Variants in NUP160 observed in about 807,000 individuals in gnomAD.
NUP160 encodes the protein nuclear pore complex protein Nup160.
A neutral mutation model predicts 196.9 loss-of-function variants in NUP160; 94 were observed. That is an observed-to-expected ratio of 0.48 (90% CI 0.40 to 0.57). The LOEUF (loss-of-function observed/expected upper bound fraction) is 0.57. Among genes scored for constraint, NUP160 ranks in the 20% least tolerant of loss-of-function variants. The pLI, the probability that NUP160 is intolerant of heterozygous loss-of-function variation, is 0.00. For synonymous variants in NUP160, 605 were observed against 619.7 expected (o/e 0.98, Z 0.35); for missense variants, 1,638 against 1,748.3 (o/e 0.94, Z 1.13).
At chr11:47,810,238 T>C (rs114402005) in intron 17 of NUP160, among the ~76,000 whole-genome samples, 2 of 151,932 alleles carry the variant, frequency 1.3e-5, no homozygotes, top group Non-Finnish European at 1.5e-5. Context: ...CACTCTGTCA[T>C]GCAGGCAGAA....
At chr11:47,786,827 C>T (rs953773523) in intron 31 of NUP160, among the ~76,000 whole-genome samples, 3 of 151,634 alleles carry the variant, frequency 2.0e-5, no homozygotes, top group Non-Finnish European at 4.4e-5. Context: ...CTTGCTCTGT[C>T]ACCCAGGCTG....
chr11:47,782,946 AC>A, intron 34 of NUP160, 126 bp downstream of exon 34: 1 of 812,610 alleles, frequency 1.2e-6, no homozygotes, highest in Non-Finnish European at 2.0e-6. Flanking sequence ...GGCATGAGTC[AC>A]TGTGCCCGGC....
chr11:47,792,746 A>G (rs1316993663), intron 28 of NUP160, 40 bp downstream of exon 28: 2 of 1,556,964 alleles, frequency 1.3e-6, no homozygotes, highest in African/African-American at 1.4e-5. Flanking sequence ...TACTTGTTCC[A>G]GGATGAACCC....
At chr11:47,815,543 G>A (rs2097683941) in exon 13 of NUP160, 1 of 1,612,292 alleles carries the variant, frequency 6.2e-7, no homozygotes, top group Non-Finnish European at 8.5e-7. Flanking sequence ...GTGAGAGAGG[G>A]CTTCTTGATA....
intron 13 of NUP160, chr11:47,815,245 T>G: frequency 2.9e-6 from 1 of 345,478 alleles, no homozygotes; most frequent in Middle Eastern, 7.6e-4. Context: ...GAAAAAGAAA[T>G]AAATACAATA....
chr11:47,817,642 G>C (rs1010079762), intron 11 of NUP160, among the ~76,000 whole-genome samples: 3 of 152,168 alleles, frequency 2.0e-5, no homozygotes, highest in Non-Finnish European at 4.4e-5. Flanking sequence ...ACCACGCCCG[G>C]CCTAGAGTTT....
At position 47,824,803 on chromosome 11, in the gene NUP160, CT is replaced by C. The variant is rs760472596; in HGVS notation, c.1102-2640del. Among the ~76,000 whole-genome samples the C allele has an allele frequency of 6.3e-3, 852 of 134,420 alleles. 5 individuals carry two copies. The highest frequency in any genetic ancestry group is 1.0e-2 in the Non-Finnish European group (579 of 58,116). 88.2% of individuals were successfully genotyped at this position (134,420 alleles called of 152,430 possible). A position where few individuals can be genotyped will look rare whatever the true frequency, so the allele number is the denominator to read the frequency against. On this transcript the variant is annotated intron_variant, in intron 7 of 35. Coordinates refer to ENST00000378460, the Ensembl canonical transcript of NUP160. ...TGCAGGCATGTTCTACCCGACCCAG[CT>C]TTTTCTTTTGTTTTTTTTTTTCACG...
chr11:47,791,200 G>C (rs2097667711), intron 29 of NUP160, among the ~76,000 whole-genome samples: 1 of 151,756 alleles, frequency 6.6e-6, no homozygotes, highest in East Asian at 1.9e-4. Context: ...CATTTTTCTT[G>C]AAATGGCAGG....
chr11:47,799,132 C>G (rs2097672667), intron 23 of NUP160, among the ~76,000 whole-genome samples: 1 of 151,892 alleles, frequency 6.6e-6, no homozygotes, highest in Non-Finnish European at 1.5e-5. Context: ...GTCAATCAGA[C>G]TGGAGCACAA....
chr11:47,795,001 T>G lies in NUP160; in HGVS notation c.3290-2055A>C, dbSNP rs935446141. ...CTGTAATCCCAGCTACTTGAGAGGC[T>G]GAGGCAGGAGAATTGCTTGAACCTG... On this transcript the variant is annotated intron_variant, in intron 27 of 35. Coordinates refer to ENST00000378460, the Ensembl canonical transcript of NUP160. Among the ~76,000 whole-genome samples the G allele has an allele frequency of 1.5e-4, 23 of 151,952 alleles. 1 individual carries two copies. The highest frequency in any genetic ancestry group is 5.3e-4 in the African/African-American group (22 of 41,374).
intron 35 of NUP160, among the ~76,000 whole-genome samples, chr11:47,779,852 C>T (rs1401335105): frequency 6.6e-6 from 1 of 151,986 alleles, no homozygotes; most frequent in Non-Finnish European, 1.5e-5. Context: ...CTCAGCCTCC[C>T]GAGTAGCTGG....
intron 9 of NUP160, chr11:47,820,344 TATC>T (rs1331707685): frequency 6.6e-6 from 1 of 152,208 alleles, no homozygotes; most frequent in Non-Finnish European, 1.5e-5. Flanking sequence ...TGCAAACTAA[TATC>T]ATCTACATTA....
chr11:47,785,608 G>C (rs924907066), intron 32 of NUP160, among the ~76,000 whole-genome samples: 2 of 152,126 alleles, frequency 1.3e-5, no homozygotes, highest in Non-Finnish European at 2.9e-5. Flanking sequence ...TTTAGTAAAT[G>C]AACGTTATTT....
At chr11:47,805,878 TG>T (rs769759259) in intron 20 of NUP160, among the ~76,000 whole-genome samples, 6 of 152,028 alleles carry the variant, frequency 3.9e-5, no homozygotes, top group Admixed American at 6.6e-5. Context: ...TGGAGTGTGG[TG>T]GCGCGAGCTT....
chr11:47,797,014 C>T (rs1023131473), intron 27 of NUP160, among the ~76,000 whole-genome samples: 7 of 152,084 alleles, frequency 4.6e-5, no homozygotes, highest in Admixed American at 4.6e-4. Context: ...TTTTAGTCCC[C>T]TCTTTAAGGA....
intron 7 of NUP160, among the ~76,000 whole-genome samples, chr11:47,824,032 TATATATATATATATATATATAC>T (rs1475975060): frequency 2.4e-5 from 3 of 122,754 alleles, no homozygotes; most frequent in Admixed American, 8.9e-5. Context: ...TATATATATA[TATATATATATATATATATATAC>T]ACACACACAT....
intron 7 of NUP160, among the ~76,000 whole-genome samples, chr11:47,829,088 TA>T (rs1280728117): frequency 1.3e-5 from 2 of 151,970 alleles, no homozygotes; most frequent in Non-Finnish European, 2.9e-5. Flanking sequence ...AAAGAAAAAA[TA>T]GATAATCTGG....
intron 13 of NUP160, 57 bp from the exon 14 acceptor site, chr11:47,813,472 A>G (rs1327926974): frequency 2.7e-6 from 3 of 1,106,574 alleles, no homozygotes; most frequent in Non-Finnish European, 4.1e-6. Context: ...AAGGTATAAA[A>G]TAATTGAGAT....
rs1302952313 is a variant in NUP160, at chr11:47,788,178, AT to A, written c.3746+3del. ...AGACTATAAAAAAATAATTTTATAC[AT>A]ACTTGAAGGCAAGCCCTTCAAAGAC... On this transcript the variant is annotated splice_donor_region_variant and intron_variant, in intron 31 of 35. Transcript: ENST00000378460. The A allele has an allele frequency of 6.2e-7, 1 of 1,606,374 alleles. No homozygotes were observed. The highest frequency in any genetic ancestry group is 8.5e-7 in the Non-Finnish European group (1 of 1,176,274).
Sources: gnomAD v4.1 joint callset for allele counts (sites outside exome capture counted in the v4.1 genomes callset) on GRCh38, gnomAD v4.1.1 for gene constraint, MANE v1.5 for transcripts, NCBI Gene and HGNC (gene_info 2026-07-23, HGNC 2026-07-21) for gene names.